The following CD1B variants were observed in gnomAD, a reference collection of about 807,000 sequenced individuals.
CD1B encodes the protein CD1b molecule.
In CD1B, 43 loss-of-function variants were observed where a neutral mutation model predicts 39.8. The ratio of observed to expected loss-of-function variants is 1.08; its 90% CI spans 0.85 to 1.39. The LOEUF is 1.39. CD1B is among the 40% of genes most tolerant of loss of function. The probability of loss-of-function intolerance (pLI) is 0.00; values close to 1 mark genes in which losing one functional copy is unlikely to be tolerated. For missense variants in CD1B, 495 were observed against 403.8 expected (o/e 1.23, Z -1.94); for synonymous variants, 192 against 152.5 (o/e 1.26, Z -1.91).
chr1:158,328,838 A>G, intron 5 of CD1B, 83 bp downstream of exon 5: 8 of 983,756 alleles, frequency 8.1e-6, no homozygotes, highest in Non-Finnish European at 1.2e-5. Context: ...AACAATTTTT[A>G]AATAGATAAA....
rs184429811 is a variant in CD1B, at chr1:158,331,371, C to G, written c.53G>C (p.Ser18Thr). The G allele has an allele frequency of 1.9e-6, 3 of 1,613,928 alleles. No individual in the cohort carries two copies. In the South Asian group the frequency reaches 3.3e-5, roughly 18 times the overall value. Residue 18 changes from serine to threonine, a missense_variant, in exon 1 of 6, where the codon AGT (serine) becomes ACT (threonine). Coordinates refer to ENST00000368168, the MANE Select transcript of CD1B (RefSeq NM_001764.3). ...GCCAGAGTGACTCTTACCATGTTCACTGTTACCACCAGGAAAGAGAACAGC... is the reference window on the plus strand; with the variant it reads ...GCCAGAGTGACTCTTACCATGTTCAGTGTTACCACCAGGAAAGAGAACAGC... ...LLAVLFPGGNSEHAFQGPTSF... is the reference protein window; with the variant it reads ...LLAVLFPGGNTEHAFQGPTSF...
the CD1B span, among the ~76,000 whole-genome samples, chr1:158,303,673 T>C: frequency 6.6e-6 from 1 of 152,140 alleles, no homozygotes; most frequent in African/African-American, 2.4e-5. Flanking sequence ...ACATTCACTA[T>C]AATCACAAAA....
At chr1:158,311,203 A>G in the CD1B span, among the ~76,000 whole-genome samples, 1 of 151,802 alleles carries the variant, frequency 6.6e-6, no homozygotes, top group Non-Finnish European at 1.5e-5. Context: ...TTGTTTAGTT[A>G]CCTGCTTAGA....
chr1:158,315,715 G>C, the CD1B span, among the ~76,000 whole-genome samples: 7 of 151,790 alleles, frequency 4.6e-5, no homozygotes, highest in African/African-American at 1.7e-4. Flanking sequence ...TGGTGTTTTA[G>C]ACATGAAGTC....
the CD1B span, chr1:158,292,889 T>C: frequency 3.1e-6 from 5 of 1,612,464 alleles, no homozygotes; most frequent in Non-Finnish European, 4.2e-6. Context: ...GACTGGAGGT[T>C]GGAAGTGTAG....
the CD1B span, among the ~76,000 whole-genome samples, chr1:158,312,112 A>T: frequency 1.3e-5 from 2 of 152,086 alleles, no homozygotes; most frequent in Non-Finnish European, 2.9e-5. Context: ...AATGCCAATT[A>T]TTTCAATCTG....
At chr1:158,305,364 A>T in the CD1B span, among the ~76,000 whole-genome samples, 1 of 151,610 alleles carries the variant, frequency 6.6e-6, no homozygotes, top group South Asian at 2.1e-4. Flanking sequence ...AATGAAACGA[A>T]GTGAGAAGTT....
the CD1B span, among the ~76,000 whole-genome samples, chr1:158,302,941 G>A: frequency 1.3e-5 from 2 of 152,030 alleles, no homozygotes; most frequent in Admixed American, 1.3e-4. Context: ...TATGAGATAA[G>A]TATCATTGTG....
chr1:158,330,226 G>C, intron 2 of CD1B, 96 bp from the exon 3 acceptor site: 1 of 1,111,000 alleles, frequency 9.0e-7, no homozygotes, highest in Non-Finnish European at 1.3e-6. Flanking sequence ...TGGGGATAAA[G>C]TTATTTGGTG....
chr1:158,299,555 G>A, the CD1B span, among the ~76,000 whole-genome samples: 1 of 152,198 alleles, frequency 6.6e-6, no homozygotes, highest in Admixed American at 6.5e-5. Flanking sequence ...AGTTTCAGAA[G>A]GAATGGTACC....
At chr1:158,296,303 G>C in the CD1B span, among the ~76,000 whole-genome samples, 1 of 152,058 alleles carries the variant, frequency 6.6e-6, no homozygotes, top group Non-Finnish European at 1.5e-5. Context: ...CAGGCCCTCA[G>C]TCTTAGAGCA....
At chr1:158,290,126 G>T in the CD1B span, 1 of 1,613,578 alleles carries the variant, frequency 6.2e-7, no homozygotes, top group African/African-American at 1.3e-5. Context: ...AATGCAGACG[G>T]TAAGAACATC....
At chr1:158,317,510 C>A in the CD1B span, among the ~76,000 whole-genome samples, 12 of 152,110 alleles carry the variant, frequency 7.9e-5, no homozygotes, top group Admixed American at 2.6e-4. Context: ...GTGGTGATAT[C>A]CCCTTTATCA....
chr1:158,304,146 G>A, the CD1B span, among the ~76,000 whole-genome samples: 20 of 152,180 alleles, frequency 1.3e-4, no homozygotes, highest in East Asian at 1.4e-3. Flanking sequence ...ATGAGGCATC[G>A]CCTCACCTGG....
the CD1B span, among the ~76,000 whole-genome samples, chr1:158,311,985 G>C: frequency 4.6e-5 from 7 of 151,972 alleles, no homozygotes; most frequent in Non-Finnish European, 1.0e-4. Flanking sequence ...TGGGGTCTTT[G>C]ATGGTTCAAT....
At chr1:158,309,135 G>C in the CD1B span, among the ~76,000 whole-genome samples, 4 of 151,906 alleles carry the variant, frequency 2.6e-5, no homozygotes, top group Admixed American at 1.3e-4. Context: ...AAATTTACAA[G>C]AAAAAAACAA....
At chr1:158,313,831 T>C in the CD1B span, among the ~76,000 whole-genome samples, 1 of 152,168 alleles carries the variant, frequency 6.6e-6, no homozygotes, top group Non-Finnish European at 1.5e-5. Context: ...AAACTATTGT[T>C]TCAATCTTGT....
At chr1:158,330,228 T>C (rs1652543287) in intron 2 of CD1B, 98 bp from the exon 3 acceptor site, 1 of 1,110,272 alleles carries the variant, frequency 9.0e-7, no homozygotes, top group Non-Finnish European at 1.3e-6. Flanking sequence ...GGGATAAAGT[T>C]ATTTGGTGTA....
At chr1:158,310,540 T>A in the CD1B span, among the ~76,000 whole-genome samples, 1 of 152,084 alleles carries the variant, frequency 6.6e-6, no homozygotes, top group Admixed American at 6.6e-5. Context: ...ACTTACAGAA[T>A]GGAAGAAAAT....
Sources: allele counts gnomAD v4.1 joint callset (sites outside exome capture counted in the v4.1 genomes callset), GRCh38; gene constraint gnomAD v4.1.1; transcripts MANE v1.5; gene names NCBI Gene and HGNC (gene_info 2026-07-23, HGNC 2026-07-21).